Variants in STON2 observed in about 807,000 individuals in gnomAD.
STON2 encodes stonin 2.
In STON2, 29 loss-of-function variants were observed where a neutral mutation model predicts 65.7. The observed-to-expected ratio is 0.44, with a 90% CI of 0.33 to 0.60. The LOEUF (loss-of-function observed/expected upper bound fraction) is 0.60, where lower values mean the gene tolerates loss of function less well. Ranked by LOEUF, STON2 falls within the 20% of genes least tolerant of loss-of-function variation. The probability of loss-of-function intolerance (pLI) is 0.03; values close to 1 mark genes in which losing one functional copy is unlikely to be tolerated. For missense variants in STON2, 1,054 were observed against 1,118.1 expected, an observed-to-expected ratio of 0.94 and a Z score of 0.82; for synonymous variants, 404 against 414.2, an observed-to-expected ratio of 0.98 and a Z score of 0.30.
chr14:81,436,449 A>T (rs1033619384), exon 1 of STON2: 3 of 151,566 alleles, frequency 2.0e-5, no homozygotes, highest in Non-Finnish European at 4.4e-5. Flanking sequence ...CGCAGCGCCG[A>T]CGCCGGCTCC....
intron 4 of STON2, among the ~76,000 whole-genome samples, chr14:81,341,446 GTTTTTTT>G (rs748642462): frequency 8.6e-6 from 1 of 115,752 alleles, no homozygotes; most frequent in East Asian, 2.5e-4. Context: ...TTTTATAAGT[GTTTTTTT>G]TTTGTTTTTT....
intron 1 of STON2, among the ~76,000 whole-genome samples, chr14:81,429,926 C>T (rs1366429093): frequency 6.6e-6 from 1 of 150,810 alleles, no homozygotes; most frequent in Non-Finnish European, 1.5e-5. Context: ...CACAGCAAGA[C>T]TCTGTCTCAA....
At chr14:81,288,344 T>C (rs1895420406) in intron 5 of STON2, among the ~76,000 whole-genome samples, 1 of 152,200 alleles carries the variant, frequency 6.6e-6, no homozygotes, top group African/African-American at 2.4e-5. Context: ...ACCTAGGTAG[T>C]ATATCATCAT....
intron 4 of STON2, among the ~76,000 whole-genome samples, chr14:81,332,146 C>A (rs375873453): frequency 3.3e-4 from 50 of 152,290 alleles, no homozygotes; most frequent in African/African-American, 1.1e-3. Context: ...GGAAGGTCTG[C>A]AGAGGCTGTG....
rs1218484669 is a variant in STON2 at position 81,262,302 on chromosome 14, A to ACAATCCT, written c.*6105_*6111dup. On this transcript the variant is annotated 3_prime_UTR_variant, in exon 8 of 8. Coordinates refer to ENST00000614646, the MANE Select transcript of STON2 (RefSeq NM_001394390.1). Reference sequence around the variant, plus strand: ...CATGCCTATGAGTGACTTTAAATAAACAATCCTCAATGTCCTCGTGTCTAG... The same window carrying ACAATCCT: ...CATGCCTATGAGTGACTTTAAATAAACAATCCTCAATCCTCAATGTCCTCGTGTCTAG... 1.5e-5 allele frequency: 15 copies of ACAATCCT among 985,376 alleles called. No individual in the cohort carries two copies. In the Middle Eastern group the frequency reaches 1.5e-3, roughly 102 times the overall value. 61.0% of individuals were successfully genotyped at this position (985,376 alleles called of 1,614,324 possible).
At chr14:81,399,277 T>A (rs935345842) in intron 1 of STON2, among the ~76,000 whole-genome samples, 1 of 152,244 alleles carries the variant, frequency 6.6e-6, no homozygotes, top group Admixed American at 6.5e-5. Flanking sequence ...ATTTTGTTCA[T>A]GGTATTAATA....
Position 81,398,404 on chromosome 14 carries a change from T to G in STON2, c.-22A>C, listed in dbSNP as rs1900437725. 2 of 1,595,978 alleles carry G rather than the reference T, an allele frequency of 1.3e-6. No individual in the cohort carries two copies. The highest frequency in any genetic ancestry group is 1.7e-6 in the Non-Finnish European group (2 of 1,163,658). On this transcript the variant is annotated 5_prime_UTR_variant, in exon 2 of 8. Transcript: ENST00000614646. ...TCATGCTAAAAAGGCACTGGTCATC[T>G]TCACACTGCTGACCTCAGGTGAACC...
chr14:81,346,863 T>C (rs1379598495), intron 4 of STON2, among the ~76,000 whole-genome samples: 2 of 152,156 alleles, frequency 1.3e-5, no homozygotes, highest in African/African-American at 4.8e-5. Flanking sequence ...ACGAAAACAT[T>C]TGTTGAAACA....
chr14:81,422,616 G>A (rs1264433201), intron 2 of STON2, among the ~76,000 whole-genome samples: 2 of 152,130 alleles, frequency 1.3e-5, no homozygotes, highest in African/African-American at 4.8e-5. Flanking sequence ...GAGAATAGGA[G>A]GCATTAGGAC....
chr14:81,277,368 TG>T lies in STON2; in HGVS notation c.2113del (p.His705MetfsTer27). ...GAAAACATCCTCATCCACACACCCATGGAAACGGCACTCATGGAGCTTGATC... is the reference window on the plus strand; with the variant it reads ...GAAAACATCCTCATCCACACACCCATGAAACGGCACTCATGGAGCTTGATC... ...KWIKLHECRF[H>X]GCVDEDVFHN... is the part of the protein sequence containing the mutation. On this transcript the variant is annotated frameshift_variant, in exon 6 of 8. Transcript: ENST00000614646. LOFTEE classifies it high-confidence loss of function. 2 of 1,614,148 alleles carry T rather than the reference TG, an allele frequency of 1.2e-6. No individual in the cohort carries two copies. The highest frequency in any genetic ancestry group is 1.7e-6 in the Non-Finnish European group (2 of 1,180,028).
intron 2 of STON2, among the ~76,000 whole-genome samples, chr14:81,415,995 C>T (rs921874186): frequency 6.6e-6 from 1 of 152,026 alleles, no homozygotes; most frequent in African/African-American, 2.4e-5. Context: ...GTGGGGAGCC[C>T]GGGGAGGCTT....
In STON2 at chr14:81,352,296, C is replaced by T. The variant is rs113421830; in HGVS notation, c.571+18692G>A. On this transcript the variant is annotated intron_variant, in intron 4 of 7. Transcript: ENST00000614646. The stretch of plus-strand genomic sequence containing the variant: ...TATCTGTCACAACTATAATGTGCTA[C>T]GGAAACATCTATGCTTTCTGTTGGT... Among the ~76,000 whole-genome samples the T allele has an allele frequency of 5.7e-3, 873 of 152,258 alleles. 2 individuals carry two copies. The highest frequency in any genetic ancestry group is 0.02 in the Middle Eastern group (6 of 294).
At chr14:81,293,191 T>TA (rs1895628461) in intron 5 of STON2, among the ~76,000 whole-genome samples, 1 of 151,556 alleles carries the variant, frequency 6.6e-6, no homozygotes, top group East Asian at 1.9e-4. Context: ...TTTTTTTTTT[T>TA]TGAGATGGAG....
intron 3 of STON2, among the ~76,000 whole-genome samples, chr14:81,382,851 AG>A (rs1429852096): frequency 2.6e-5 from 4 of 152,256 alleles, no homozygotes; most frequent in African/African-American, 4.8e-5. Context: ...AAGAGAAACT[AG>A]GAAGAGTGCA....
intron 4 of STON2, among the ~76,000 whole-genome samples, chr14:81,331,506 G>T (rs75885149): frequency 6.6e-5 from 10 of 152,110 alleles, no homozygotes; most frequent in Admixed American, 1.3e-4. Flanking sequence ...ACTGGGAGGG[G>T]GGGTACAGAG....
chr14:81,363,741 A>C (rs778073058), intron 4 of STON2, among the ~76,000 whole-genome samples: 1 of 152,200 alleles, frequency 6.6e-6, no homozygotes, highest in Non-Finnish European at 1.5e-5. Flanking sequence ...AAATTAGTTA[A>C]CTTGTTTCTG....
chr14:81,297,554 T>A (rs1885605), intron 5 of STON2, among the ~76,000 whole-genome samples: 94,328 of 152,082 alleles, frequency 0.62, 30,803 homozygotes, highest in Non-Finnish European at 0.72. Context: ...CCCCACAATA[T>A]GGTTGTGAGG....
chr14:81,420,228 A>C (rs1309283334), intron 2 of STON2, among the ~76,000 whole-genome samples: 3 of 152,222 alleles, frequency 2.0e-5, no homozygotes, highest in Non-Finnish European at 4.4e-5. Flanking sequence ...AGGTAGGGCT[A>C]AGAGGGTTTG....
chr14:81,268,853 C>T (rs1225672085), intron 7 of STON2, among the ~76,000 whole-genome samples: 1 of 152,194 alleles, frequency 6.6e-6, no homozygotes, highest in Non-Finnish European at 1.5e-5. Context: ...ACCTGTCTGG[C>T]TCCACTATAC....
Sources: gnomAD v4.1 joint callset for allele counts (sites outside exome capture counted in the v4.1 genomes callset) on GRCh38, gnomAD v4.1.1 for gene constraint, MANE v1.5 for transcripts, NCBI Gene and HGNC (gene_info 2026-07-23, HGNC 2026-07-21) for gene names.